Variants in ALS2 observed in about 807,000 individuals in gnomAD.
ALS2 encodes alsin Rho guanine nucleotide exchange factor ALS2, also known as alsin.
ALS2 carries 117 observed loss-of-function variants against 203.4 expected under a neutral mutation model. The observed-to-expected ratio is 0.58, with a 90% CI of 0.50 to 0.67. The LOEUF is 0.67. ALS2 is among the 30% of genes least tolerant of loss of function. The pLI is 0.00. For missense variants in ALS2, 1,715 were observed against 1,989.4 expected, an observed-to-expected ratio of 0.86 and a Z score of 2.62; for synonymous variants, 718 against 725.9, an observed-to-expected ratio of 0.99 and a Z score of 0.17.
intron 1 of ALS2, among the ~76,000 whole-genome samples, chr2:201,774,351 G>A (rs1218001711): frequency 1.3e-5 from 2 of 152,170 alleles, no homozygotes; most frequent in Non-Finnish European, 2.9e-5. Context: ...GAGATCACAG[G>A]TACAGATATA....
chr2:201,762,260 C>T (rs1482793041), intron 3 of ALS2, among the ~76,000 whole-genome samples: 1 of 152,178 alleles, frequency 6.6e-6, no homozygotes, highest in Non-Finnish European at 1.5e-5. Flanking sequence ...CAAGTTGGAA[C>T]AGCAAAAAAT....
Position 201,705,408 on chromosome 2 carries a change from T to A in ALS2, c.4626+8A>T. On this transcript the variant is annotated splice_region_variant and intron_variant, in intron 30 of 33. Coordinates refer to ENST00000264276, the MANE Select transcript of ALS2 (RefSeq NM_020919.4). ...CATATTTGCTGAGGAAAAGAAAATC[T>A]ACTATACCTTTTTACTCTCTCCAAG... is the stretch of plus-strand genomic sequence containing the variant. The A allele has an allele frequency of 1.2e-6, 2 of 1,613,374 alleles. No individual in the cohort carries two copies. Among genetic ancestry groups the A allele is most frequent in the Non-Finnish European group, 1.7e-6 (2 of 1,179,362 alleles).
At chr2:201,712,840 T>C (rs1287929355) in intron 25 of ALS2, among the ~76,000 whole-genome samples, 2 of 152,262 alleles carry the variant, frequency 1.3e-5, no homozygotes, top group Middle Eastern at 3.4e-3. Context: ...AACTTTTCTT[T>C]CAGTATTTTG....
At chr2:201,721,672 ATT>A (rs78740524) in intron 23 of ALS2, among the ~76,000 whole-genome samples, 4 of 150,462 alleles carry the variant, frequency 2.7e-5, no homozygotes, top group African/African-American at 7.3e-5. Context: ...TAAAACTTTC[ATT>A]TTTTTTTTAG....
chr2:201,704,190 G>T lies in ALS2; in HGVS notation c.4867C>A (p.Leu1623Ile), dbSNP rs1689555665. 1 of 1,613,982 alleles carries T rather than the reference G, an allele frequency of 6.2e-7. No individual in the cohort carries two copies. ...TAGGGGTCCATTAGATCCTCAATGAGGTGTACCTCAGAGCCTAAATTCCTA... is the reference window on the plus strand; with the variant it reads ...TAGGGGTCCATTAGATCCTCAATGATGTGTACCTCAGAGCCTAAATTCCTA... ...RIRNLGSEVHLIEDLMDPYLQ... is the reference protein window; with the variant it reads ...RIRNLGSEVHIIEDLMDPYLQ... Residue 1623 changes from leucine to isoleucine, a missense_variant, in exon 33 of 34, where the codon CTC becomes ATC. By Grantham distance (5) the Leu-to-Ile change is conservative (BLOSUM62 2). Coordinates refer to ENST00000264276, the MANE Select transcript of ALS2 (RefSeq NM_020919.4).
At chr2:201,776,600 C>T (rs1694672959) in intron 1 of ALS2, among the ~76,000 whole-genome samples, 1 of 152,048 alleles carries the variant, frequency 6.6e-6, no homozygotes, top group African/African-American at 2.4e-5. Context: ...CCTGGTAAGT[C>T]CTGACACAAA....
At chr2:201,740,392 T>C (rs1041458653) in intron 11 of ALS2, among the ~76,000 whole-genome samples, 11 of 152,238 alleles carry the variant, frequency 7.2e-5, no homozygotes, top group African/African-American at 2.2e-4. Context: ...TAACCTGTTA[T>C]GTTAAAAAAA....
chr2:201,733,823 T>C (rs897714075), intron 12 of ALS2, among the ~76,000 whole-genome samples: 2 of 152,194 alleles, frequency 1.3e-5, no homozygotes, highest in East Asian at 3.8e-4. Flanking sequence ...CTGTGCTAAA[T>C]AGAAACACTG....
chr2:201,710,087 G>GA lies in ALS2; in HGVS notation c.4123-50dup, dbSNP rs1449921690. The stretch of plus-strand genomic sequence containing the variant: ...AGTCAGTTGATGTGCATTAACAGCA[G>GA]AAACAATCCATCAACAAGAAACAAC... On this transcript the variant is annotated intron_variant, in intron 26 of 33. Transcript: ENST00000264276. 1.9e-6 allele frequency: 3 copies of GA among 1,599,790 alleles called. No homozygotes were observed. The African/African-American group carries it at 4.0e-5, about 21-fold the overall frequency.
intron 3 of ALS2, among the ~76,000 whole-genome samples, chr2:201,764,023 T>C (rs1346480290): frequency 6.6e-6 from 1 of 152,224 alleles, no homozygotes; most frequent in Non-Finnish European, 1.5e-5. Flanking sequence ...TGACCTATTA[T>C]ACATGGCAGA....
At chr2:201,738,644 T>C (rs777132449) in intron 12 of ALS2, 26 bp downstream of exon 12, 7 of 1,604,990 alleles carry the variant, frequency 4.4e-6, no homozygotes, top group Middle Eastern at 3.3e-4. Context: ...GAGAGAATGA[T>C]AACTGGAAGG....
At chr2:201,738,883 T>C (rs1692059778) in intron 11 of ALS2, 148 bp from the exon 12 acceptor site, 2 of 721,132 alleles carry the variant, frequency 2.8e-6, no homozygotes, top group African/African-American at 3.5e-5. Context: ...GAAGGGCAGG[T>C]TGTGTAATAA....
Position 201,729,170 on chromosome 2 carries a change from T to C in ALS2, c.2594A>G (p.Tyr865Cys). Reference protein sequence around the residue: ...ATCFEVASPEYQKLQDSSSCY... With the variant: ...ATCFEVASPECQKLQDSSSCY... ...AGAACTGGAATCCTGCAGTTTCTGA[T>C]ATTCTGGAGATGCCTACAGGGCAAA... The change falls in exon 14 of 34, where the codon TAT becomes TGT. Residue 865 changes from tyrosine (Y) to cysteine (C), a missense_variant. By Grantham distance (194) the Tyr-to-Cys change is radical. Transcript: ENST00000264276. The C allele has an allele frequency of 6.2e-7, 1 of 1,613,026 alleles. No individual in the cohort carries two copies. The highest frequency in any genetic ancestry group is 8.5e-7 in the Non-Finnish European group (1 of 1,179,852).
rs540382108 is a variant in ALS2 at position 201,766,470 on chromosome 2, AC to A, written c.175+758del. Among the ~76,000 whole-genome samples the A allele has an allele frequency of 9.4e-3, 1,423 of 151,594 alleles. 9 individuals are homozygous for A. Among genetic ancestry groups the A allele is most frequent in the Non-Finnish European group, 0.014 (960 of 67,876 alleles). ...AGACCAGCCTGGCCAACATGGTGAA[AC>A]CCCATCTCTACTAAAAATACCAAAA... is the stretch of plus-strand genomic sequence containing the variant. On this transcript the variant is annotated intron_variant, in intron 3 of 33. Coordinates refer to ENST00000264276, the MANE Select transcript of ALS2 (RefSeq NM_020919.4).
At chr2:201,717,645 A>G (rs1375797595) in intron 24 of ALS2, among the ~76,000 whole-genome samples, 1 of 151,496 alleles carries the variant, frequency 6.6e-6, no homozygotes, top group Non-Finnish European at 1.5e-5. Flanking sequence ...TTAAGAAAAA[A>G]AAAAAAAAAA....
At chr2:201,718,297 T>TC in intron 23 of ALS2, 87 bp from the exon 24 acceptor site, 1 of 1,460,274 alleles carries the variant, frequency 6.8e-7, no homozygotes. Context: ...TCTCACTCTG[T>TC]TGCCCAGGCT....
rs756085782 is a variant in ALS2, at chr2:201,733,444, G to T, written c.2418-6C>A. The T allele has an allele frequency of 5.0e-6, 8 of 1,612,436 alleles. No individual in the cohort carries two copies. In the East Asian group the frequency reaches 1.8e-4, roughly 36 times the overall value. The stretch of plus-strand genomic sequence containing the variant: ...GGTTTTTATTTAGGAAATCACTAGA[G>T]GCAGAGGAAAAAAAAATTTAGTTAA... On this transcript the variant is annotated splice_region_variant and splice_polypyrimidine_tract_variant and intron_variant, in intron 12 of 33. Transcript: ENST00000264276.
In ALS2 at chr2:201,768,939, T is replaced by C. The variant is rs1288605811; in HGVS notation, c.-54A>G. The C allele has an allele frequency of 1.9e-6, 3 of 1,558,708 alleles. No individual in the cohort carries two copies. The African/African-American group carries it at 4.1e-5, about 21-fold the overall frequency. On this transcript the variant is annotated 5_prime_UTR_variant, in exon 2 of 34. Coordinates refer to ENST00000264276, the MANE Select transcript of ALS2 (RefSeq NM_020919.4). ...TCATTCCTTCTTTACAGAAAGTCTA[T>C]CAAGACCTAAACAGTACAAGTAAGG...
chr2:201,729,841 C>G (rs1325569206), intron 13 of ALS2, among the ~76,000 whole-genome samples: 1 of 128,974 alleles, frequency 7.8e-6, no homozygotes, highest in Admixed American at 9.4e-5. Flanking sequence ...AGATGCGCCA[C>G]TGCACTCCAG....
Sources: allele counts gnomAD v4.1 joint callset (sites outside exome capture counted in the v4.1 genomes callset), GRCh38; gene constraint gnomAD v4.1.1; transcripts MANE v1.5; gene names NCBI Gene and HGNC (gene_info 2026-07-23, HGNC 2026-07-21).